The following NTRK3 variants were observed in gnomAD, a reference collection of about 807,000 sequenced individuals.
NTRK3 encodes the protein NT-3 growth factor receptor.
NTRK3 carries 24 observed loss-of-function variants against 91.7 expected under a neutral mutation model. That is an observed-to-expected ratio of 0.26 (90% CI 0.19 to 0.37). The LOEUF (loss-of-function observed/expected upper bound fraction) is 0.37. Among genes scored for constraint, NTRK3 ranks in the 10% least tolerant of loss-of-function variants. The pLI, the probability that NTRK3 is intolerant of heterozygous loss-of-function variation, is 1.00. For synonymous variants in NTRK3, 483 were observed against 404.0 expected (o/e 1.20, Z -2.34); for missense variants, 880 against 1,068.9 (o/e 0.82, Z 2.46).
At position 88,183,521 on chromosome 15, in the gene NTRK3, C is replaced by T. The variant is rs771641893; in HGVS notation, c.324-32G>A. The T allele has an allele frequency of 4.4e-6, 7 of 1,601,168 alleles. No individual in the cohort carries two copies. In the South Asian group the frequency reaches 7.7e-5, roughly 18 times the overall value. On this transcript the variant is annotated intron_variant, in intron 4 of 18. Coordinates refer to ENST00000394480, the Ensembl canonical transcript of NTRK3. ...AGAGAGAAAAAGAGGATCAGCAGAG[C>T]TCAAGTGGCAGAGGGATATCTGCTC...
chr15:88,002,195 T>TTC (rs2076157660), intron 14 of NTRK3, among the ~76,000 whole-genome samples: 1 of 130,192 alleles, frequency 7.7e-6, no homozygotes, highest in Non-Finnish European at 1.7e-5. Context: ...TTTTTTTTTT[T>TTC]CCAAACTGAA....
At position 87,987,525 on chromosome 15, in the gene NTRK3, ATGTGTG is replaced by A. The variant is rs140007526; in HGVS notation, c.1585+45326_1585+45331del. On this transcript the variant is annotated intron_variant, in intron 14 of 18. Transcript: ENST00000394480. ...GACATAGATATATATAGATAGATAG[ATGTGTG>A]TGTGTGTGTGTGTGTGTAGTTACTC... Among the ~76,000 whole-genome samples the A allele has an allele frequency of 3.4e-5, 5 of 148,318 alleles. No individual in the cohort carries two copies. In the East Asian group the frequency reaches 5.9e-4, roughly 18 times the overall value.
intron 3 of NTRK3, among the ~76,000 whole-genome samples, chr15:88,217,082 C>T (rs900549073): frequency 3.9e-5 from 6 of 152,212 alleles, no homozygotes; most frequent in Middle Eastern, 3.4e-3. Flanking sequence ...CACCTCATAA[C>T]CACTAGGGTG....
chr15:87,979,362 C>T (rs756259736), intron 14 of NTRK3: 1 of 1,613,216 alleles, frequency 6.2e-7, no homozygotes, highest in Non-Finnish European at 8.5e-7. Flanking sequence ...CCATGACGTC[C>T]TTTGCTGAAA....
intron 13 of NTRK3, among the ~76,000 whole-genome samples, chr15:88,034,419 C>A (rs1039181199): frequency 3.3e-5 from 5 of 152,194 alleles, no homozygotes; most frequent in Non-Finnish European, 2.9e-5. Context: ...ACGCTGCAGT[C>A]TTGGTAGAAG....
chr15:87,917,667 A>G (rs2067540930), intron 17 of NTRK3, among the ~76,000 whole-genome samples: 1 of 152,178 alleles, frequency 6.6e-6, no homozygotes, highest in Non-Finnish European at 1.5e-5. Context: ...CCCTGAGGGA[A>G]TGGCCTGGTG....
At chr15:88,049,677 T>A (rs1387405016) in intron 13 of NTRK3, among the ~76,000 whole-genome samples, 2 of 152,238 alleles carry the variant, frequency 1.3e-5, no homozygotes, top group African/African-American at 4.8e-5. Flanking sequence ...ATTGGCCTAA[T>A]ATGCAAATGT....
chr15:87,872,590 G>A (rs925541232), exon 19 of NTRK3: 4 of 231,302 alleles, frequency 1.7e-5, no homozygotes, highest in African/African-American at 8.8e-5. Flanking sequence ...TAGCTGAGGG[G>A]AACAGCCTGG....
At chr15:88,040,539 A>G (rs2079508885) in intron 13 of NTRK3, among the ~76,000 whole-genome samples, 1 of 152,246 alleles carries the variant, frequency 6.6e-6, no homozygotes, top group Non-Finnish European at 1.5e-5. Context: ...AGATCAGGGG[A>G]AAGACTGCCT....
chr15:88,024,202 G>T (rs964067836), intron 14 of NTRK3, among the ~76,000 whole-genome samples: 1 of 152,202 alleles, frequency 6.6e-6, no homozygotes, highest in Non-Finnish European at 1.5e-5. Flanking sequence ...ACACTCTGAT[G>T]TCCCAGCTAA....
At chr15:88,012,839 G>A (rs937700911) in intron 14 of NTRK3, among the ~76,000 whole-genome samples, 1 of 152,202 alleles carries the variant, frequency 6.6e-6, no homozygotes, top group Non-Finnish European at 1.5e-5. Flanking sequence ...AATGCAGACT[G>A]CTGAATCCCA....
intron 14 of NTRK3, among the ~76,000 whole-genome samples, chr15:87,972,988 C>T (rs2073383791): frequency 6.6e-6 from 1 of 152,174 alleles, no homozygotes; most frequent in African/African-American, 2.4e-5. Context: ...CAAAGCAGAG[C>T]ATGCCCCAGT....
At chr15:88,128,553 A>C (rs2053519374) in intron 11 of NTRK3, among the ~76,000 whole-genome samples, 158 bp downstream of exon 11, 1 of 152,122 alleles carries the variant, frequency 6.6e-6, no homozygotes, top group South Asian at 2.1e-4. Context: ...CCTAAAAAGC[A>C]TTGCTACCCT....
chr15:87,930,188 C>T lies in NTRK3; in HGVS notation c.1890-754G>A, dbSNP rs531522238. Reference sequence around the variant, plus strand: ...TAGCAGTGCACAGTGGAGAGAGCCTCTGACCTTGAAGCATGGGTCTGGGGT... The same window carrying T: ...TAGCAGTGCACAGTGGAGAGAGCCTTTGACCTTGAAGCATGGGTCTGGGGT... On this transcript the variant is annotated intron_variant, in intron 16 of 18. Transcript: ENST00000394480. Among the ~76,000 whole-genome samples the T allele has an allele frequency of 4.6e-5, 7 of 152,300 alleles. No individual in the cohort carries two copies. In the South Asian group the frequency reaches 1.5e-3, roughly 32 times the overall value.
chr15:88,004,375 G>C (rs1006105958), intron 14 of NTRK3, among the ~76,000 whole-genome samples: 1 of 152,184 alleles, frequency 6.6e-6, no homozygotes, highest in Admixed American at 6.5e-5. Context: ...GAGATGATCA[G>C]AAAAACGGGC....
chr15:87,994,092 G>A (rs1361860096), intron 14 of NTRK3, among the ~76,000 whole-genome samples: 3 of 152,168 alleles, frequency 2.0e-5, no homozygotes, highest in Non-Finnish European at 4.4e-5. Context: ...AGGGATTGTA[G>A]TGAGGGAGTG....
chr15:88,183,592 C>G (rs950510067), intron 4 of NTRK3, 103 bp from the exon 5 acceptor site: 6 of 1,074,656 alleles, frequency 5.6e-6, no homozygotes, highest in Non-Finnish European at 8.6e-6. Flanking sequence ...GCCCTGCAGC[C>G]GCCCTGTGGA....
intron 14 of NTRK3, among the ~76,000 whole-genome samples, chr15:87,959,388 G>A (rs531085926): frequency 2.0e-5 from 3 of 152,136 alleles, no homozygotes; most frequent in Non-Finnish European, 4.4e-5. Context: ...TACTCCACAG[G>A]CTCCTGTGAC....
chr15:87,871,076 A>T (rs2064817568), exon 19 of NTRK3: 1 of 229,824 alleles, frequency 4.4e-6, no homozygotes, highest in African/African-American at 2.2e-5. Flanking sequence ...GTAAACTAGA[A>T]AGAAGAGAAT....
Sources: allele counts gnomAD v4.1 joint callset (sites outside exome capture counted in the v4.1 genomes callset), GRCh38; gene constraint gnomAD v4.1.1; transcripts MANE v1.5; gene names NCBI Gene and HGNC (gene_info 2026-07-23, HGNC 2026-07-21).